KDM1A: variants seen among roughly 807,000 people sequenced by gnomAD.
KDM1A encodes lysine-specific histone demethylase 1A.
In KDM1A, 49 loss-of-function variants were observed where a neutral mutation model predicts 109.4. The ratio of observed to expected loss-of-function variants is 0.45; its 90% CI spans 0.36 to 0.57. The LOEUF is 0.57. Among genes scored for constraint, KDM1A ranks in the 20% least tolerant of loss-of-function variants. KDM1A has a pLI of 0.00. For missense variants in KDM1A, 668 were observed against 1,116.6 expected (o/e 0.60, Z 5.73); for synonymous variants, 380 against 415.4 (o/e 0.91, Z 1.04).
chr1:23,059,174 C>T lies in KDM1A; in HGVS notation c.1167+7C>T, dbSNP rs201904510. On this transcript the variant is annotated splice_region_variant and intron_variant, in intron 9 of 20. Transcript: ENST00000400181. ...TGAAGCCAACGGACAAGCTGTAAGT[C>T]GAGGACAAACAGAACTTTCAACATT... 4.8e-5 allele frequency: 77 copies of T among 1,604,728 alleles called. 1 individual carries two copies. The South Asian group carries it at 5.5e-4, about 12-fold the overall frequency.
chr1:23,027,499 TG>T, intron 1 of KDM1A, among the ~76,000 whole-genome samples: 1 of 139,482 alleles, frequency 7.2e-6, no homozygotes, highest in Non-Finnish European at 1.5e-5. Flanking sequence ...ACTGTAGCCT[TG>T]ACCCCCCCCC....
intron 1 of KDM1A, among the ~76,000 whole-genome samples, chr1:23,028,163 T>C (rs1005852814): frequency 1.3e-5 from 2 of 152,288 alleles, no homozygotes; most frequent in African/African-American, 4.8e-5. Flanking sequence ...TTATTTTCTA[T>C]TTTTTTGAGA....
chr1:23,068,514 A>G (rs1199129362), intron 10 of KDM1A, 25 bp from the exon 11 acceptor site: 10 of 1,548,950 alleles, frequency 6.5e-6, no homozygotes, highest in African/African-American at 1.4e-5. Flanking sequence ...ATAAGGACCA[A>G]CTCTGCTATA....
intron 16 of KDM1A, 30 bp downstream of exon 16, chr1:23,077,390 A>G (rs745505896): frequency 6.3e-7 from 1 of 1,598,240 alleles, no homozygotes; most frequent in Non-Finnish European, 8.6e-7. Flanking sequence ...AAGGTAAGAG[A>G]GAACTCTCCT....
chr1:23,027,265 C>T (rs1641832887), intron 1 of KDM1A, among the ~76,000 whole-genome samples: 1 of 151,986 alleles, frequency 6.6e-6, no homozygotes, highest in Non-Finnish European at 1.5e-5. Context: ...CTTCTTTTAG[C>T]CTTAGAATCC....
In KDM1A at chr1:23,063,227, T is replaced by G. The variant is rs1429679172; in HGVS notation, c.1168-2833T>G. Among the ~76,000 whole-genome samples, 110 of 62,388 alleles carry G rather than the reference T, an allele frequency of 1.8e-3. 2 individuals are homozygous for G. The highest frequency in any genetic ancestry group is 2.4e-3 in the Admixed American group (12 of 5,072). The allele number at this position is 62,388 out of a possible 152,430, so 40.9% of individuals were successfully genotyped here. On this transcript the variant is annotated intron_variant, in intron 9 of 20. Transcript: ENST00000400181. Reference sequence around the variant, plus strand: ...GGGGGTGTGGTGTGGGGTGGGTGTGTGTGGGTGTGTGTGTGTGTGTGTGTG... The same window carrying G: ...GGGGGTGTGGTGTGGGGTGGGTGTGGGTGGGTGTGTGTGTGTGTGTGTGTG...
intron 19 of KDM1A, 112 bp downstream of exon 19, chr1:23,081,685 G>A (rs1643625237): frequency 8.1e-7 from 1 of 1,238,198 alleles, no homozygotes; most frequent in Non-Finnish European, 1.1e-6. Flanking sequence ...TGAGGTCTGT[G>A]CTTTTACATG....
intron 18 of KDM1A, among the ~76,000 whole-genome samples, chr1:23,080,094 T>C (rs1195226409): frequency 6.6e-6 from 1 of 152,222 alleles, no homozygotes; most frequent in Non-Finnish European, 1.5e-5. Flanking sequence ...TAATTGGACT[T>C]AACTGTATGT....
chr1:23,040,488 T>C (rs1420963349), intron 2 of KDM1A, among the ~76,000 whole-genome samples: 1 of 152,160 alleles, frequency 6.6e-6, no homozygotes, highest in Non-Finnish European at 1.5e-5. Flanking sequence ...TGTGTACAAA[T>C]AAGCTGTATG....
rs138165722 is a variant in KDM1A, at chr1:23,076,774, C to T, written c.1735-454C>T. Among the ~76,000 whole-genome samples the T allele has an allele frequency of 8.6e-5, 13 of 151,970 alleles. No individual in the cohort carries two copies. The East Asian group carries it at 2.5e-3, about 29-fold the overall frequency. On this transcript the variant is annotated intron_variant, in intron 15 of 20. Coordinates refer to ENST00000400181, the MANE Select transcript of KDM1A (RefSeq NM_001009999.3). ...GTCAGGAGTTTGAGACCAGCCTAGC[C>T]AACGTGGTGAAACCCCGTCTCTACT...
intron 2 of KDM1A, among the ~76,000 whole-genome samples, chr1:23,043,743 A>G (rs1364482712): frequency 1.3e-5 from 2 of 152,262 alleles, no homozygotes; most frequent in Admixed American, 1.3e-4. Flanking sequence ...ATTTCTTAAC[A>G]AAGCTTATTA....
At chr1:23,035,973 T>C (rs1209510420) in intron 2 of KDM1A, among the ~76,000 whole-genome samples, 2 of 152,210 alleles carry the variant, frequency 1.3e-5, no homozygotes, top group African/African-American at 4.8e-5. Flanking sequence ...TAAGATACCC[T>C]GATCTCTTCC....
chr1:23,077,918 T>G (rs762389936), intron 16 of KDM1A, among the ~76,000 whole-genome samples: 3 of 152,224 alleles, frequency 2.0e-5, no homozygotes, highest in Non-Finnish European at 2.9e-5. Context: ...TCTTCAGAGA[T>G]AGAGTTTCCC....
intron 3 of KDM1A, among the ~76,000 whole-genome samples, 180 bp from the exon 4 acceptor site, chr1:23,050,207 A>G (rs1319826701): frequency 6.6e-6 from 1 of 152,232 alleles, no homozygotes; most frequent in East Asian, 1.9e-4. Flanking sequence ...GTAAAGTATA[A>G]ACTTTGGAAT....
chr1:23,029,676 G>C (rs1182110143), intron 1 of KDM1A, among the ~76,000 whole-genome samples: 5 of 152,010 alleles, frequency 3.3e-5, no homozygotes, highest in African/African-American at 1.2e-4. Context: ...GTCTCACTCT[G>C]TTGCCCAGGC....
intron 9 of KDM1A, among the ~76,000 whole-genome samples, chr1:23,065,509 A>G (rs1643136200): frequency 2.0e-5 from 3 of 152,344 alleles, no homozygotes; most frequent in East Asian, 1.9e-4. Flanking sequence ...AAAAAAAGCC[A>G]GGTTTCAAAG....
intron 9 of KDM1A, among the ~76,000 whole-genome samples, chr1:23,065,325 C>G (rs1643131450): frequency 6.6e-6 from 1 of 152,086 alleles, no homozygotes; most frequent in South Asian, 2.1e-4. Flanking sequence ...CTGGATATGT[C>G]AAATAGAATA....
Position 23,055,174 on chromosome 1 carries a change from T to G in KDM1A, c.883+13T>G. The G allele has an allele frequency of 2.0e-6, 3 of 1,513,464 alleles. No individual in the cohort carries two copies. The highest frequency in any genetic ancestry group is 1.8e-6 in the Non-Finnish European group (2 of 1,103,036). The allele number at this position is 1,513,464 out of a possible 1,614,324, so 93.8% of individuals were successfully genotyped here. A position where few individuals can be genotyped will look rare whatever the true frequency, so the allele number is the denominator to read the frequency against. On this transcript the variant is annotated intron_variant, in intron 6 of 20. Coordinates refer to ENST00000400181, the MANE Select transcript of KDM1A (RefSeq NM_001009999.3). ...AAACCCCTACCAAGTAAGGACCTCC[T>G]ACCTGGCTGATAAATTTTACATTTT...
intron 1 of KDM1A, among the ~76,000 whole-genome samples, chr1:23,022,648 C>CTTTTT (rs58124287): frequency 2.9e-3 from 107 of 36,720 alleles, no homozygotes; most frequent in South Asian, 5.4e-3. Context: ...CCTTCTTCTT[C>CTTTTT]TTTTTTTTTT....
Sources: allele counts gnomAD v4.1 joint callset (sites outside exome capture counted in the v4.1 genomes callset), GRCh38; gene constraint gnomAD v4.1.1; transcripts MANE v1.5; gene names NCBI Gene and HGNC (gene_info 2026-07-23, HGNC 2026-07-21).